NR2F1-AS1: variants seen among roughly 807,000 people sequenced by gnomAD.
NR2F1-AS1 encodes NR2F1 antisense RNA 1.
intron 1 of NR2F1-AS1, among the ~76,000 whole-genome samples, chr5:93,577,266 C>G (rs905740158): frequency 1.6e-4 from 25 of 152,230 alleles, no homozygotes; most frequent in African/African-American, 3.9e-4. Flanking sequence ...AGATAGAAAA[C>G]TAAACTAAGG....
In NR2F1-AS1 at chr5:93,580,298, G is replaced by A. The variant is rs746183086; in HGVS notation, n.313+169C>T. Among the ~76,000 whole-genome samples, 36 of 152,360 alleles carry A rather than the reference G, an allele frequency of 2.4e-4. 1 individual carries two copies. The highest frequency in any genetic ancestry group is 2.9e-4 in the Non-Finnish European group (20 of 68,034). On this transcript the variant is annotated intron_variant and non_coding_transcript_variant, in intron 1 of 5. Transcript: ENST00000660523. ...TTAGCGCTACGGCGAGACAGAGGCC[G>A]AGCGAGGGCAACTCCCGAGCAGGCC...
At chr5:93,439,078 C>A (rs1165882597) in intron 4 of NR2F1-AS1, among the ~76,000 whole-genome samples, 1 of 152,180 alleles carries the variant, frequency 6.6e-6, no homozygotes, top group Non-Finnish European at 1.5e-5. Flanking sequence ...AGATTTGAAT[C>A]TGACTAAACT....
At chr5:93,584,250 T>A (rs1232006721), upstream of NR2F1-AS1, 1 of 148,670 alleles carries the variant, frequency 6.7e-6, no homozygotes, top group Non-Finnish European at 1.5e-5. Flanking sequence ...TCCCGGCTCC[T>A]CCAGCGGCGC....
At chr5:93,475,833 T>G (rs1310709764) in intron 4 of NR2F1-AS1, among the ~76,000 whole-genome samples, 1 of 152,208 alleles carries the variant, frequency 6.6e-6, no homozygotes, top group East Asian at 1.9e-4. Context: ...CTGTATGTAC[T>G]TCATGCCAGT....
intron 4 of NR2F1-AS1, among the ~76,000 whole-genome samples, chr5:93,509,021 C>A (rs1489106793): frequency 6.6e-6 from 1 of 152,016 alleles, no homozygotes; most frequent in Admixed American, 6.6e-5. Flanking sequence ...TTTACACACA[C>A]CTGGCAAAGG....
chr5:93,510,661 G>C (rs1482330752), intron 4 of NR2F1-AS1, among the ~76,000 whole-genome samples: 1 of 152,058 alleles, frequency 6.6e-6, no homozygotes, highest in Non-Finnish European at 1.5e-5. Context: ...TATATAAGTT[G>C]CATCTTTGCT....
intron 4 of NR2F1-AS1, among the ~76,000 whole-genome samples, chr5:93,474,080 T>G (rs1301492871): frequency 6.6e-6 from 1 of 152,118 alleles, no homozygotes; most frequent in Non-Finnish European, 1.5e-5. Context: ...CGGAAAGGAT[T>G]AACTAAATCA....
chr5:93,453,506 CATA>C (rs1026845482), intron 4 of NR2F1-AS1, among the ~76,000 whole-genome samples: 2 of 151,920 alleles, frequency 1.3e-5, no homozygotes, highest in South Asian at 4.2e-4. Flanking sequence ...AACATCATAA[CATA>C]ATAATAATAT....
chr5:93,550,109 T>C (rs1752190420), intron 4 of NR2F1-AS1, among the ~76,000 whole-genome samples: 1 of 149,662 alleles, frequency 6.7e-6, no homozygotes, highest in Admixed American at 6.6e-5. Flanking sequence ...GAACTTAAAG[T>C]ATAATTAAAA....
At chr5:93,500,813 G>A (rs1751063628) in intron 4 of NR2F1-AS1, among the ~76,000 whole-genome samples, 1 of 151,946 alleles carries the variant, frequency 6.6e-6, no homozygotes, top group South Asian at 2.1e-4. Context: ...CAAATTTTTT[G>A]TATTTTTTGT....
chr5:93,427,054 A>G (rs1374440761), intron 4 of NR2F1-AS1, among the ~76,000 whole-genome samples: 1 of 152,160 alleles, frequency 6.6e-6, no homozygotes, highest in Admixed American at 6.5e-5. Flanking sequence ...TAAGGAAGAA[A>G]CAGTTATTTA....
chr5:93,478,755 T>C (rs1359545522), intron 4 of NR2F1-AS1, among the ~76,000 whole-genome samples: 2 of 152,212 alleles, frequency 1.3e-5, no homozygotes. Context: ...GTAGCATTCA[T>C]CTGAAGGTTT....
chr5:93,525,324 A>G (rs1028824047), intron 4 of NR2F1-AS1, among the ~76,000 whole-genome samples: 6 of 152,232 alleles, frequency 3.9e-5, no homozygotes, highest in Non-Finnish European at 7.3e-5. Context: ...TACTAAATAT[A>G]TATGCACCCA....
chr5:93,481,476 T>G (rs922650204), intron 4 of NR2F1-AS1, among the ~76,000 whole-genome samples: 2 of 152,034 alleles, frequency 1.3e-5, no homozygotes, highest in African/African-American at 4.8e-5. Context: ...GAAACTTCAA[T>G]AGCCCACTTT....
chr5:93,505,896 G>A (rs1290514950), intron 4 of NR2F1-AS1, among the ~76,000 whole-genome samples: 1 of 152,178 alleles, frequency 6.6e-6, no homozygotes, highest in Non-Finnish European at 1.5e-5. Flanking sequence ...ATTAACATTA[G>A]GCTCCTTGCT....
chr5:93,493,154 C>A (rs1322793727), intron 4 of NR2F1-AS1, among the ~76,000 whole-genome samples: 1 of 151,984 alleles, frequency 6.6e-6, no homozygotes, highest in East Asian at 1.9e-4. Flanking sequence ...AATCAATCCA[C>A]AAAAAACCTA....
At chr5:93,483,321 C>G (rs1025304868) in intron 4 of NR2F1-AS1, among the ~76,000 whole-genome samples, 1 of 152,236 alleles carries the variant, frequency 6.6e-6, no homozygotes, top group Middle Eastern at 3.4e-3. Context: ...TGAAGCAGAC[C>G]TCCAACAAAC....
chr5:93,410,389 C>T (rs1418489546), intron 4 of NR2F1-AS1: 1 of 152,278 alleles, frequency 6.6e-6, no homozygotes, highest in African/African-American at 2.4e-5. Flanking sequence ...TAGTACCCGT[C>T]TGTGGGGGTC....
chr5:93,440,179 C>T (rs1030012954), intron 4 of NR2F1-AS1, among the ~76,000 whole-genome samples: 4 of 151,702 alleles, frequency 2.6e-5, no homozygotes, highest in African/African-American at 4.9e-5. Context: ...TTCTCTCGCT[C>T]GCTCTCTCTC....
Sources: allele counts gnomAD v4.1 joint callset (sites outside exome capture counted in the v4.1 genomes callset), GRCh38; gene constraint gnomAD v4.1.1; transcripts MANE v1.5; gene names NCBI Gene and HGNC (gene_info 2026-07-23, HGNC 2026-07-21).